The following DENND5A variants were observed in gnomAD, a reference collection of about 807,000 sequenced individuals.
DENND5A encodes DENN domain containing 5A.
DENND5A carries 64 observed loss-of-function variants against 140.3 expected under a neutral mutation model. The ratio of observed to expected loss-of-function variants is 0.46; its 90% CI spans 0.37 to 0.56. DENND5A has a LOEUF of 0.56. Among genes scored for constraint, DENND5A ranks in the 20% least tolerant of loss-of-function variants. The pLI is 0.00. For synonymous variants in DENND5A, 605 were observed against 607.7 expected (o/e 1.00, Z 0.07); for missense variants, 1,292 against 1,593.8 (o/e 0.81, Z 3.22).
At chr11:9,204,406 C>A in intron 3 of DENND5A, 89 bp from the exon 4 acceptor site, 1 of 1,288,306 alleles carries the variant, frequency 7.8e-7, no homozygotes, top group Admixed American at 2.2e-5. Flanking sequence ...ATTTATAGAG[C>A]ACCTACTAAG....
chr11:9,152,529 A>C (rs1412137420), intron 12 of DENND5A, 87 bp from the exon 13 acceptor site: 70 of 885,668 alleles, frequency 7.9e-5, no homozygotes, highest in Non-Finnish European at 1.5e-5. Flanking sequence ...TTTTGCTAAA[A>C]AAATATATGT....
intron 5 of DENND5A, among the ~76,000 whole-genome samples, chr11:9,184,854 C>A (rs1848855570): frequency 6.6e-6 from 1 of 152,078 alleles, no homozygotes; most frequent in Admixed American, 6.5e-5. Flanking sequence ...TTATGTATTT[C>A]TTCAGTTTTT....
chr11:9,223,499 C>T (rs1850403062), intron 1 of DENND5A, among the ~76,000 whole-genome samples: 1 of 152,022 alleles, frequency 6.6e-6, no homozygotes, highest in African/African-American at 2.4e-5. Context: ...AAGATCTCAC[C>T]ATTGCACTCC....
chr11:9,170,411 G>A (rs1048660666), intron 9 of DENND5A: 4 of 545,524 alleles, frequency 7.3e-6, no homozygotes, highest in African/African-American at 2.1e-5. Context: ...TAGACATATG[G>A]AGCTATCCCA....
chr11:9,142,955 C>T, intron 20 of DENND5A, 110 bp from the exon 21 acceptor site: 1 of 1,432,152 alleles, frequency 7.0e-7, no homozygotes, highest in Non-Finnish European at 9.4e-7. Flanking sequence ...AAAAGACAGG[C>T]TAGGACTTTG....
At chr11:9,162,530 C>T (rs1020538809) in intron 11 of DENND5A, among the ~76,000 whole-genome samples, 9 of 152,046 alleles carry the variant, frequency 5.9e-5, no homozygotes, top group Non-Finnish European at 1.0e-4. Flanking sequence ...TGAGCCACTG[C>T]GCCTGGCCAG....
intron 1 of DENND5A, among the ~76,000 whole-genome samples, chr11:9,252,663 A>C (rs967582608): frequency 2.0e-5 from 3 of 152,156 alleles, no homozygotes; most frequent in Non-Finnish European, 2.9e-5. Context: ...AAAACCAAAA[A>C]ACTGAATTCC....
chr11:9,244,360 ATTTT>A (rs1412168160), intron 1 of DENND5A, among the ~76,000 whole-genome samples: 2 of 151,744 alleles, frequency 1.3e-5, no homozygotes, highest in African/African-American at 2.4e-5. Flanking sequence ...TAATTTATTT[ATTTT>A]ATTTATTTTT....
intron 1 of DENND5A, among the ~76,000 whole-genome samples, chr11:9,241,744 G>C (rs753360985): frequency 3.3e-5 from 5 of 152,174 alleles, no homozygotes; most frequent in African/African-American, 4.8e-5. Flanking sequence ...GCTGGGCGCG[G>C]TGGCTCACGC....
intron 12 of DENND5A, among the ~76,000 whole-genome samples, chr11:9,154,140 A>G (rs1033098674): frequency 5.9e-5 from 9 of 152,240 alleles, no homozygotes; most frequent in African/African-American, 2.2e-4. Context: ...GAGGCTTACT[A>G]TGAACTAAGC....
chr11:9,259,967 G>A (rs1852119598), intron 1 of DENND5A, among the ~76,000 whole-genome samples: 1 of 139,894 alleles, frequency 7.1e-6, no homozygotes, highest in African/African-American at 2.7e-5. Context: ...GGCAGAGGTT[G>A]CAGTGAGCTG....
intron 1 of DENND5A, among the ~76,000 whole-genome samples, chr11:9,236,566 C>T (rs1423428657): frequency 6.6e-6 from 1 of 151,780 alleles, no homozygotes; most frequent in Non-Finnish European, 1.5e-5. Flanking sequence ...AAATATTTAG[C>T]ATTTTTAAAT....
intron 10 of DENND5A, among the ~76,000 whole-genome samples, chr11:9,167,353 T>C (rs1331982541): frequency 6.6e-6 from 1 of 151,314 alleles, no homozygotes; most frequent in Non-Finnish European, 1.5e-5. Flanking sequence ...GCTATCTCCA[T>C]ACCACCCTCC....
chr11:9,178,100 G>C (rs1343845030), intron 8 of DENND5A, 32 bp downstream of exon 8: 2 of 1,411,638 alleles, frequency 1.4e-6, no homozygotes, highest in Admixed American at 1.7e-5. Context: ...TAATCCAAGA[G>C]GCCTGAATGT....
chr11:9,160,918 A>G, intron 11 of DENND5A, 53 bp from the exon 12 acceptor site: 1 of 1,580,080 alleles, frequency 6.3e-7, no homozygotes, highest in South Asian at 1.1e-5. Context: ...AGGATTACAT[A>G]CAACCGGAGA....
At chr11:9,193,091 C>T (rs1226743979) in intron 5 of DENND5A, among the ~76,000 whole-genome samples, 2 of 151,770 alleles carry the variant, frequency 1.3e-5, no homozygotes, top group Non-Finnish European at 2.9e-5. Flanking sequence ...AGCTGGGCAT[C>T]GTGGCACACT....
At chr11:9,252,418 G>A (rs1434082435) in intron 1 of DENND5A, among the ~76,000 whole-genome samples, 1 of 152,118 alleles carries the variant, frequency 6.6e-6, no homozygotes, top group Non-Finnish European at 1.5e-5. Flanking sequence ...GGAGGCAGAG[G>A]TGGGTGGATC....
In DENND5A at chr11:9,234,594, G is replaced by A. The variant is rs181386699; in HGVS notation, c.110-26962C>T. On this transcript the variant is annotated intron_variant, in intron 1 of 22. Coordinates refer to ENST00000328194, the MANE Select transcript of DENND5A (RefSeq NM_015213.4). ...CTCTGCAGCACTGTGACATGTTCGC[G>A]ATGGCCCTGACGCCCACGCTAAAGG... 3.3e-5 allele frequency among the ~76,000 whole-genome samples: 5 copies of A among 152,290 alleles called. No individual in the cohort carries two copies. The East Asian group carries it at 9.7e-4, about 29-fold the overall frequency.
intron 1 of DENND5A, among the ~76,000 whole-genome samples, chr11:9,262,952 C>A (rs1379893230): frequency 1.3e-5 from 2 of 151,714 alleles, no homozygotes; most frequent in African/African-American, 2.4e-5. Context: ...CCTGTAAGCC[C>A]GGATGGTCTC....
Sources: gnomAD v4.1 joint callset for allele counts (sites outside exome capture counted in the v4.1 genomes callset) on GRCh38, gnomAD v4.1.1 for gene constraint, MANE v1.5 for transcripts, NCBI Gene and HGNC (gene_info 2026-07-23, HGNC 2026-07-21) for gene names.